USP12: variants seen among roughly 807,000 people sequenced by gnomAD.
The protein encoded by USP12 is ubiquitin specific peptidase 12.
Under a neutral mutation model 45.5 loss-of-function variants are expected in USP12, and 19 were observed. The ratio of observed to expected loss-of-function variants is 0.42; its 90% confidence interval spans 0.29 to 0.61. USP12 has a LOEUF of 0.61. USP12 is among the 20% of genes least tolerant of loss of function. The pLI is 0.22. For missense variants in USP12, 242 were observed against 447.7 expected, an observed-to-expected ratio of 0.54 and a Z score of 4.15; for synonymous variants, 149 against 148.8, an observed-to-expected ratio of 1.00 and a Z score of -0.01.
chr13:27,073,941 G>C (rs1439111966), intron 7 of USP12, among the ~76,000 whole-genome samples: 1 of 152,118 alleles, frequency 6.6e-6, no homozygotes, highest in African/African-American at 2.4e-5. Flanking sequence ...GGTTCTTTAA[G>C]TAATCTTGAC....
chr13:27,078,707 C>T (rs1267160652), intron 6 of USP12, among the ~76,000 whole-genome samples: 1 of 151,428 alleles, frequency 6.6e-6, no homozygotes, highest in Admixed American at 6.6e-5. Flanking sequence ...GAGAACATAA[C>T]AATCTTAAAA....
At chr13:27,088,039 G>C (rs1874142145) in intron 6 of USP12, among the ~76,000 whole-genome samples, 1 of 152,168 alleles carries the variant, frequency 6.6e-6, no homozygotes, top group African/African-American at 2.4e-5. Context: ...AACATCTGGG[G>C]AACATTCACT....
Position 27,068,036 on chromosome 13 carries a change from G to C in USP12, c.*1247C>G, listed in dbSNP as rs1304855871. The C allele has an allele frequency of 6.6e-6, 1 of 152,188 alleles. No individual in the cohort carries two copies. Among genetic ancestry groups the C allele is most frequent in the Non-Finnish European group, 1.5e-5 (1 of 68,020 alleles). The allele number at this position is 152,188 out of a possible 1,614,324, so 9.4% of individuals were successfully genotyped here. A position where few individuals can be genotyped will look rare whatever the true frequency, so the allele number is the denominator to read the frequency against. ...GTGGGGGGAAGGGAAGGAAGGACTT[G>C]TCTTTTGTATTCCCGGTCTACTTGA... On this transcript the variant is annotated 3_prime_UTR_variant, in exon 9 of 9. Coordinates refer to ENST00000282344, the MANE Select transcript of USP12 (RefSeq NM_182488.4).
chr13:27,080,874 G>A (rs1186880006), intron 6 of USP12, among the ~76,000 whole-genome samples: 4 of 152,172 alleles, frequency 2.6e-5, no homozygotes, highest in Admixed American at 2.6e-4. Context: ...TTTAAAAATA[G>A]TTTATTGCTT....
chr13:27,147,863 C>T (rs1877381274), intron 1 of USP12, among the ~76,000 whole-genome samples: 1 of 152,166 alleles, frequency 6.6e-6, no homozygotes, highest in African/African-American at 2.4e-5. Context: ...CATGGTGGTT[C>T]ACAACTGTAA....
rs117003578 is a variant in USP12 at position 27,165,458 on chromosome 13, C to A, written c.48+6134G>T. ...GAGCTAACAGATTAATTAGTAGTGC[C>A]AATGAATACTTTTTACCACAGGGAG... is the stretch of plus-strand genomic sequence containing the variant. On this transcript the variant is annotated intron_variant, in intron 1 of 8. Transcript: ENST00000282344. Among the ~76,000 whole-genome samples the A allele has an allele frequency of 2.8e-4, 43 of 152,134 alleles. 2 individuals are homozygous for A. In the East Asian group the frequency reaches 7.5e-3, roughly 27 times the overall value.
chr13:27,119,433 G>A lies in USP12; in HGVS notation c.49-2837C>T, dbSNP rs73155893. On this transcript the variant is annotated intron_variant, in intron 1 of 8. Transcript: ENST00000282344. ...GTGGAAAGAGCTGTAGATCATCATCGTTTAACCCTTCTGGATTTAAGAATC... is the reference window on the plus strand; with the variant it reads ...GTGGAAAGAGCTGTAGATCATCATCATTTAACCCTTCTGGATTTAAGAATC... Among the ~76,000 whole-genome samples the A allele has an allele frequency of 8.5e-3, 1,289 of 152,260 alleles. 15 individuals are homozygous for A. The highest frequency in any genetic ancestry group is 0.017 in the Middle Eastern group (5 of 294).
chr13:27,088,439 A>T (rs990282976), intron 6 of USP12, among the ~76,000 whole-genome samples: 1 of 149,026 alleles, frequency 6.7e-6, no homozygotes, highest in Non-Finnish European at 1.5e-5. Context: ...AAAAAAAAAA[A>T]TGGCGTGCTT....
At chr13:27,141,456 A>T (rs1593204634) in intron 1 of USP12, among the ~76,000 whole-genome samples, 1 of 152,368 alleles carries the variant, frequency 6.6e-6, no homozygotes, top group East Asian at 1.9e-4. Context: ...AAAAGAAATC[A>T]AGACACTTTA....
chr13:27,115,539 T>G (rs1444064664), intron 2 of USP12, among the ~76,000 whole-genome samples: 3 of 152,164 alleles, frequency 2.0e-5, no homozygotes, highest in African/African-American at 7.2e-5. Context: ...TATCAATATA[T>G]GCATTTTAAA....
intron 1 of USP12, among the ~76,000 whole-genome samples, chr13:27,126,818 C>CA (rs1319888788): frequency 6.6e-6 from 1 of 152,030 alleles, no homozygotes; most frequent in Non-Finnish European, 1.5e-5. Context: ...TACTAATCTG[C>CA]AAAAAAGGGC....
chr13:27,148,458 G>A (rs1877408548), intron 1 of USP12, among the ~76,000 whole-genome samples: 1 of 151,560 alleles, frequency 6.6e-6, no homozygotes, highest in South Asian at 2.1e-4. Context: ...GGCAGATCAC[G>A]AGGTCAGGAG....
chr13:27,072,194 G>C (rs1165607815), intron 7 of USP12, among the ~76,000 whole-genome samples: 1 of 151,756 alleles, frequency 6.6e-6, no homozygotes, highest in Non-Finnish European at 1.5e-5. Context: ...ATTTATTTAG[G>C]CTCATCTAAA....
Position 27,171,677 on chromosome 13 carries a change from C to CG in USP12, c.-39dup. The CG allele has an allele frequency of 8.4e-7, 1 of 1,196,688 alleles. No individual in the cohort carries two copies. Among genetic ancestry groups the CG allele is most frequent in the Non-Finnish European group, 1.1e-6 (1 of 931,012 alleles). 74.1% of individuals were successfully genotyped at this position (1,196,688 alleles called of 1,614,324 possible). Reference sequence around the variant, plus strand: ...ATCTTCCACCCAATCACAGCGGCGGCGGCGGGCGGGGGAGGAGGGGAGCCG... The same window carrying CG: ...ATCTTCCACCCAATCACAGCGGCGGCGGGCGGGCGGGGGAGGAGGGGAGCCG... On this transcript the variant is annotated 5_prime_UTR_variant, in exon 1 of 9. Transcript: ENST00000282344.
intron 6 of USP12, among the ~76,000 whole-genome samples, chr13:27,079,611 CTGGAATCCAG>C (rs1434015812): frequency 6.6e-6 from 1 of 152,182 alleles, no homozygotes; most frequent in Non-Finnish European, 1.5e-5. Flanking sequence ...AATGCAGACC[CTGGAATCCAG>C]TGGAATCTGA....
intron 3 of USP12, among the ~76,000 whole-genome samples, chr13:27,102,228 C>A (rs1287547736): frequency 1.3e-5 from 2 of 152,148 alleles, no homozygotes; most frequent in Admixed American, 1.3e-4. Flanking sequence ...TCAACTCTAG[C>A]TAACACAATC....
chr13:27,128,971 C>G (rs1464295899), intron 1 of USP12, among the ~76,000 whole-genome samples: 1 of 152,158 alleles, frequency 6.6e-6, no homozygotes, highest in Non-Finnish European at 1.5e-5. Context: ...TATGGACTGA[C>G]TTAGTTTAAT....
At chr13:27,154,479 G>A (rs567244325) in intron 1 of USP12, among the ~76,000 whole-genome samples, 31 of 152,130 alleles carry the variant, frequency 2.0e-4, no homozygotes, top group African/African-American at 4.8e-4. Flanking sequence ...TTCTCCTTCC[G>A]TTACTTCCAA....
At chr13:27,084,169 TACACACACACACACACACACACACACAC>T (rs374948699) in intron 6 of USP12, among the ~76,000 whole-genome samples, 4 of 142,510 alleles carry the variant, frequency 2.8e-5, no homozygotes, top group East Asian at 2.0e-4. Flanking sequence ...CATGTTTGCA[TACACACACACACACACACACACACACAC>T]ACACACACAC....
Sources: allele counts gnomAD v4.1 joint callset (sites outside exome capture counted in the v4.1 genomes callset), GRCh38; gene constraint gnomAD v4.1.1; transcripts MANE v1.5; gene names NCBI Gene and HGNC (gene_info 2026-07-23, HGNC 2026-07-21).